Variants in OAS3 observed in about 807,000 individuals in gnomAD.
The protein encoded by OAS3 is 2'-5'-oligoadenylate synthase 3.
In OAS3, 107 loss-of-function variants were observed where a neutral mutation model predicts 113.0. The ratio of observed to expected loss-of-function variants is 0.95; its 90% CI spans 0.81 to 1.11. OAS3 has a LOEUF of 1.11. Among genes scored for constraint, OAS3 ranks in the 50% most tolerant of loss-of-function variants. The pLI is 0.00. For synonymous variants in OAS3, 552 were observed against 573.6 expected (o/e 0.96, Z 0.54); for missense variants, 1,258 against 1,389.1 (o/e 0.91, Z 1.50).
Position 112,950,823 on chromosome 12 carries a change from C to T in OAS3, c.1505C>T (p.Ala502Val), listed in dbSNP as rs764488725. The change falls in exon 7 of 16, where the codon GCG becomes GTG. Residue 502 changes from alanine to valine, a missense_variant. Ala to Val is a moderately conservative substitution (Grantham distance 64). Coordinates refer to ENST00000228928, the MANE Select transcript of OAS3 (RefSeq NM_006187.4). Reference protein sequence around the residue: ...RRAEILDEMRAQLESWWQDQV... With the variant: ...RRAEILDEMRVQLESWWQDQV... ...GCAGAGATCCTTGATGAGATGCGAGCGCAGCTAGAATCCTGGTGGCAGGAC... is the reference window on the plus strand; with the variant it reads ...GCAGAGATCCTTGATGAGATGCGAGTGCAGCTAGAATCCTGGTGGCAGGAC... 1.9e-5 allele frequency: 30 copies of T among 1,613,900 alleles called. No homozygotes were observed. Among genetic ancestry groups the T allele is most frequent in the East Asian group, 4.5e-5 (2 of 44,896 alleles).
intron 2 of OAS3, among the ~76,000 whole-genome samples, chr12:112,944,013 A>G (rs1302421545): frequency 6.6e-6 from 1 of 152,102 alleles, no homozygotes; most frequent in Non-Finnish European, 1.5e-5. Context: ...AATATCAACA[A>G]CCACTGCTAA....
rs777560690 is a variant in OAS3, at chr12:112,961,048, CAG to C, written c.1658-22_1658-21del. 5 of 1,610,378 alleles carry C rather than the reference CAG, an allele frequency of 3.1e-6. No homozygotes were observed. In the African/African-American group the frequency reaches 6.7e-5, roughly 22 times the overall value. On this transcript the variant is annotated intron_variant, in intron 7 of 15. Coordinates refer to ENST00000228928, the MANE Select transcript of OAS3 (RefSeq NM_006187.4). ...CTGTCTTCAATTGGAGTTGCACACT[CAG>C]GGTGTTTCAAACTTCTACAGGGCAG... is the stretch of plus-strand genomic sequence containing the variant.
In OAS3 at chr12:112,950,640, C is replaced by T. The variant is rs73205241; in HGVS notation, c.1375-53C>T. On this transcript the variant is annotated intron_variant, in intron 6 of 15. Transcript: ENST00000228928. ...GGGCGCAGGTGATGGGATCGTAGTCCGACTCCCAGGCTCCTAGAGGGTCCC... is the reference window on the plus strand; with the variant it reads ...GGGCGCAGGTGATGGGATCGTAGTCTGACTCCCAGGCTCCTAGAGGGTCCC... The T allele has an allele frequency of 6.7e-4, 1,063 of 1,584,626 alleles. 4 individuals are homozygous for T. In the African/African-American group the frequency reaches 0.011, roughly 17 times the overall value.
At position 112,949,182 on chromosome 12, in the gene OAS3, C is replaced by T. The variant is rs763532611; in HGVS notation, c.1351C>T (p.His451Tyr). 1 of 1,612,062 alleles carries T rather than the reference C, an allele frequency of 6.2e-7. No individual in the cohort carries two copies. The highest frequency in any genetic ancestry group is 1.1e-5 in the South Asian group (1 of 91,042). The change falls in exon 6 of 16, where the codon CAC becomes TAC. Residue 451 changes from histidine (H) to tyrosine (Y), a missense_variant. Coordinates refer to ENST00000228928, the MANE Select transcript of OAS3 (RefSeq NM_006187.4). The part of the protein sequence containing the change: ...ILRCLHENCV[H>Y]KASRVSKGGS... ...GCGCTGCCTCCATGAGAACTGTGTT[C>T]ACAAGGCCTCAAGAGTCAGTAAAGT...
At position 112,964,322 on chromosome 12, in the gene OAS3, G is replaced by A. The variant is rs941871279; in HGVS notation, c.2317G>A (p.Val773Met). ...GCCCAACCGCCAGTTCCTGGCCCAGGTGAACAAGGCCGTTGATACCATCTG... is the reference window on the plus strand; with the variant it reads ...GCCCAACCGCCAGTTCCTGGCCCAGATGAACAAGGCCGTTGATACCATCTG... ...LQPNRQFLAQVNKAVDTICSF... is the reference protein window; with the variant it reads ...LQPNRQFLAQMNKAVDTICSF... The change falls in exon 11 of 16, where the codon GTG (valine) becomes ATG (methionine). Residue 773 changes from valine to methionine, a missense_variant. Transcript: ENST00000228928. The A allele has an allele frequency of 1.9e-6, 3 of 1,611,028 alleles. No homozygotes were observed. Among genetic ancestry groups the A allele is most frequent in the Non-Finnish European group, 1.7e-6 (2 of 1,178,674 alleles).
In OAS3 at chr12:112,970,904, G is replaced by A. The variant is rs1593188325; in HGVS notation, c.*931G>A. ...GTTTGCCTTCCTGAATTTTTATTGG[G>A]TCCCTGTTTTCTCTCCTAACATGCT... On this transcript the variant is annotated 3_prime_UTR_variant, in exon 16 of 16. Transcript: ENST00000228928. 1 of 152,120 alleles carries A rather than the reference G, an allele frequency of 6.6e-6. No individual in the cohort carries two copies. Among genetic ancestry groups the A allele is most frequent in the East Asian group, 1.9e-4 (1 of 5,192 alleles). The allele number at this position is 152,120 out of a possible 1,614,324, so 9.4% of individuals were successfully genotyped here.
At chr12:112,951,354 C>T (rs1272293412) in intron 7 of OAS3, among the ~76,000 whole-genome samples, 1 of 151,534 alleles carries the variant, frequency 6.6e-6, no homozygotes, top group African/African-American at 2.4e-5. Context: ...TTTTAACTTT[C>T]GGAGGTGAAT....
chr12:112,942,063 G>A, intron 2 of OAS3: 1 of 638,518 alleles, frequency 1.6e-6, no homozygotes, highest in South Asian at 1.9e-5. Flanking sequence ...TGGTCCTGCT[G>A]TCAAGATGCT....
Position 112,938,565 on chromosome 12 carries a change from A to T in OAS3, c.35A>T (p.Asp12Val). The T allele has an allele frequency of 1.2e-6, 2 of 1,610,242 alleles. No homozygotes were observed. The highest frequency in any genetic ancestry group is 1.7e-6 in the Non-Finnish European group (2 of 1,178,772). Residue 12 changes from aspartate to valine, a missense_variant, in exon 1 of 16, where the codon GAC becomes GTC. Physicochemically the swap from Asp to Val is radical, Grantham distance 152 (BLOSUM62 -3). Transcript: ENST00000228928. ...TACAGCACCCCGGCCGCTGCGCTGG[A>T]CAGGTTCGTGGCCAGAAGGCTGCAG... Reference protein sequence around the residue: ...DLYSTPAAALDRFVARRLQPR... With the variant: ...DLYSTPAAALVRFVARRLQPR...
At chr12:112,957,744 G>A (rs1021387514) in intron 7 of OAS3, among the ~76,000 whole-genome samples, 1 of 152,186 alleles carries the variant, frequency 6.6e-6, no homozygotes, top group Non-Finnish European at 1.5e-5. Flanking sequence ...GGTAACTCGA[G>A]CTTTCTCTCT....
At chr12:112,961,557 T>C (rs374598365) in intron 8 of OAS3, among the ~76,000 whole-genome samples, 8 of 152,294 alleles carry the variant, frequency 5.3e-5, no homozygotes, top group African/African-American at 1.7e-4. Flanking sequence ...CCGTTGCTTA[T>C]GATATTACCC....
Position 112,948,104 on chromosome 12 carries a change from G to A in OAS3, c.1029+5G>A. ...GTGCAGTCTTGGAAGGGGCCGGTAAGTGAGGGGGCCCCAGGACCCTTGGGT... is the reference window on the plus strand; with the variant it reads ...GTGCAGTCTTGGAAGGGGCCGGTAAATGAGGGGGCCCCAGGACCCTTGGGT... On this transcript the variant is annotated splice_donor_5th_base_variant and intron_variant, in intron 5 of 15. Transcript: ENST00000228928. 3 of 1,519,584 alleles carry A rather than the reference G, an allele frequency of 2.0e-6. No homozygotes were observed. Among genetic ancestry groups the A allele is most frequent in the African/African-American group, 2.8e-5 (2 of 71,150 alleles). The allele number at this position is 1,519,584 out of a possible 1,614,324, so 94.1% of individuals were successfully genotyped here.
In OAS3 at chr12:112,953,781, G is replaced by A. The variant is rs556280482; in HGVS notation, c.1657+2806G>A. 3.3e-5 allele frequency among the ~76,000 whole-genome samples: 5 copies of A among 152,258 alleles called. 1 individual carries two copies. In the South Asian group the frequency reaches 1.0e-3, roughly 32 times the overall value. On this transcript the variant is annotated intron_variant, in intron 7 of 15. Transcript: ENST00000228928. ...TCATGTGTCTGTTGGCTGCATAAAT[G>A]TCTTCTTTTGAGAAGTGTCTGTTCA...
Position 112,969,733 on chromosome 12 carries a change from C to G in OAS3, c.3230C>G (p.Pro1077Arg). 6.2e-7 allele frequency: 1 copy of G among 1,613,262 alleles called. No individual in the cohort carries two copies. The highest frequency in any genetic ancestry group is 2.2e-5 in the East Asian group (1 of 44,870). ...TGCTGCATGGGACGGAATGGCATCC[C>G]CATCCAGCCATGGCCAGTGAAGGTG... Reference protein sequence around the residue: ...ALCCMGRNGIPIQPWPVKAAV With the variant: ...ALCCMGRNGIRIQPWPVKAAV Residue 1077 changes from proline to arginine, a missense_variant, in exon 15 of 16, where the codon CCC becomes CGC. Transcript: ENST00000228928.
chr12:112,943,927 A>C (rs1054119796), intron 2 of OAS3, among the ~76,000 whole-genome samples: 9 of 152,058 alleles, frequency 5.9e-5, no homozygotes, highest in Admixed American at 2.0e-4. Flanking sequence ...TCCTGACCTC[A>C]GGTGAACCTC....
chr12:112,957,794 G>A (rs980004316), intron 7 of OAS3, among the ~76,000 whole-genome samples: 7 of 152,266 alleles, frequency 4.6e-5, no homozygotes, highest in African/African-American at 1.7e-4. Flanking sequence ...CAACTTTGGT[G>A]AATCTGACAA....
Position 112,954,128 on chromosome 12 carries a change from A to C in OAS3, c.1657+3153A>C, listed in dbSNP as rs2043813604. ...TAGGGTTTTTATGGTTTTAGGTCTAAGATGTAAGTCTTTAATCCATCTTGA... is the reference window on the plus strand; with the variant it reads ...TAGGGTTTTTATGGTTTTAGGTCTACGATGTAAGTCTTTAATCCATCTTGA... On this transcript the variant is annotated intron_variant, in intron 7 of 15. Coordinates refer to ENST00000228928, the MANE Select transcript of OAS3 (RefSeq NM_006187.4). This position sits in a 1 kb window ranked among gnomAD's most constrained non-coding sequence, Gnocchi z 4.0. Among the ~76,000 whole-genome samples the C allele has an allele frequency of 6.6e-6, 1 of 152,218 alleles. No individual in the cohort carries two copies. Among genetic ancestry groups the C allele is most frequent in the African/African-American group, 2.4e-5 (1 of 41,456 alleles).
rs192220904 is a variant in OAS3, at chr12:112,940,759, T to C, written c.178-811T>C. Among the ~76,000 whole-genome samples, 360 of 152,342 alleles carry C rather than the reference T, an allele frequency of 2.4e-3. 1 individual carries two copies. The highest frequency in any genetic ancestry group is 8.0e-3 in the African/African-American group (331 of 41,582). The stretch of plus-strand genomic sequence containing the variant: ...GGTTCATGCCTGTAATCCCAGCACT[T>C]TGGGAGGCCAACGAGGGCAGATCAC... On this transcript the variant is annotated intron_variant, in intron 1 of 15. Transcript: ENST00000228928.
chr12:112,963,449 G>A lies in OAS3; in HGVS notation c.2221G>A (p.Asp741Asn). 1 of 1,543,628 alleles carries A rather than the reference G, an allele frequency of 6.5e-7. No individual in the cohort carries two copies. Among genetic ancestry groups the A allele is most frequent in the South Asian group, 1.2e-5 (1 of 83,390 alleles). ...SRDGTSVQPW[D>N]VMPALLYQTP... Reference sequence around the variant, plus strand: ...AGACGGGACATCTGTGCAGCCCTGGGATGTGATGGTAAGATGGAGGGTCCT... The same window carrying A: ...AGACGGGACATCTGTGCAGCCCTGGAATGTGATGGTAAGATGGAGGGTCCT... Residue 741 changes from aspartate (D) to asparagine (N), a missense_variant, in exon 10 of 16, where the codon GAT (aspartate) becomes AAT (asparagine). Asp to Asn is a conservative substitution (Grantham distance 23). Transcript: ENST00000228928. The surrounding 1 kb of genome is among the most constrained non-coding windows in gnomAD (Gnocchi z 4.6).
Sources: allele counts gnomAD v4.1 joint callset (sites outside exome capture counted in the v4.1 genomes callset), GRCh38; gene constraint gnomAD v4.1.1; non-coding constraint Gnocchi (gnomAD v3.1); transcripts MANE v1.5; gene names NCBI Gene and HGNC (gene_info 2026-07-23, HGNC 2026-07-21).